The following OGA variants were observed in gnomAD, a reference collection of about 807,000 sequenced individuals.
OGA encodes the protein protein O-GlcNAcase.
A neutral mutation model predicts 102.0 loss-of-function variants in OGA; 21 were observed. The observed-to-expected ratio is 0.21, with a 90% confidence interval of 0.15 to 0.30. OGA has a LOEUF of 0.30. OGA is among the 10% of genes least tolerant of loss of function. The pLI is 1.00. For synonymous variants in OGA, 408 were observed against 378.2 expected (o/e 1.08, Z -0.91); for missense variants, 765 against 1,107.8 (o/e 0.69, Z 4.39).
chr10:101,788,645 G>C (rs1332080417), intron 14 of OGA, among the ~76,000 whole-genome samples: 1 of 151,318 alleles, frequency 6.6e-6, no homozygotes, highest in African/African-American at 2.4e-5. Context: ...TGAGGCAGGA[G>C]AATCACTTGA....
chr10:101,807,975 T>C (rs1352034883), intron 4 of OGA, 74 bp from the exon 5 acceptor site: 11 of 1,194,338 alleles, frequency 9.2e-6, no homozygotes, highest in African/African-American at 3.1e-5. Context: ...TTAACAGTTA[T>C]ACTTAAAATC....
rs887527428 is a variant in OGA, at chr10:101,817,856, C to T, written c.167G>A (p.Gly56Glu). The stretch of plus-strand genomic sequence containing the variant: ...CACACCGCAGAGGAACCGCCGAGCC[C>T]CTCCTGCAGCCCCGGCCACCGCCGC... ...GGAAVAGAAG[G>E]ARRFLCGVVE... is the part of the protein sequence containing the mutation. The change falls in exon 1 of 16, where the codon GGG becomes GAG. Residue 56 changes from glycine to glutamate, a missense_variant. This residue lies in a region of OGA where 117 missense variants were observed against 85.7 expected (regional missense o/e 1.36). Coordinates refer to ENST00000361464, the MANE Select transcript of OGA (RefSeq NM_012215.5). 6.5e-7 allele frequency: 1 copy of T among 1,544,186 alleles called. No individual in the cohort carries two copies. The highest frequency in any genetic ancestry group is 2.4e-5 in the East Asian group (1 of 41,152).
rs781506813 is a variant in OGA, at chr10:101,818,222, C to A, written c.-200G>T. The A allele has an allele frequency of 3.2e-4, 435 of 1,343,646 alleles. 1 individual carries two copies. The highest frequency in any genetic ancestry group is 3.8e-4 in the Non-Finnish European group (404 of 1,051,338). The allele number at this position is 1,343,646 out of a possible 1,614,324, so 83.2% of individuals were successfully genotyped here. On this transcript the variant is annotated 5_prime_UTR_variant, in exon 1 of 16. Coordinates refer to ENST00000361464, the MANE Select transcript of OGA (RefSeq NM_012215.5). ...AGAAGGGCGGCGGCACCGGCGCGAGCCCTTTGTCAGCCGCAGCCTCGGCTT... is the reference window on the plus strand; with the variant it reads ...AGAAGGGCGGCGGCACCGGCGCGAGACCTTTGTCAGCCGCAGCCTCGGCTT...
intron 7 of OGA, among the ~76,000 whole-genome samples, chr10:101,803,419 C>T (rs1423713540): frequency 1.5e-4 from 22 of 143,192 alleles, no homozygotes; most frequent in African/African-American, 5.8e-4. Flanking sequence ...GGATTATAAG[C>T]GAGCCACCAC....
At chr10:101,787,822 G>T in intron 14 of OGA, 1 of 251,352 alleles carries the variant, frequency 4.0e-6, no homozygotes, top group Non-Finnish European at 7.9e-6. Flanking sequence ...GAATTCCTGG[G>T]CTCGAGTGAT....
At position 101,786,341 on chromosome 10, in the gene OGA, C is replaced by A; in HGVS notation, c.*110G>T. 2.6e-6 allele frequency: 3 copies of A among 1,143,136 alleles called. No homozygotes were observed. The highest frequency in any genetic ancestry group is 2.9e-5 in the Admixed American group (1 of 34,082). 70.8% of individuals were successfully genotyped at this position (1,143,136 alleles called of 1,614,324 possible). On this transcript the variant is annotated 3_prime_UTR_variant, in exon 16 of 16. Transcript: ENST00000361464. The stretch of plus-strand genomic sequence containing the variant: ...TACATAGTCTTCTTTGTTTCGAATC[C>A]AATTGGCTGATTTGTTACCATTCTA...
At chr10:101,807,656 A>C in intron 5 of OGA, 74 bp downstream of exon 5, 1 of 1,041,942 alleles carries the variant, frequency 9.6e-7, no homozygotes, top group Non-Finnish European at 1.3e-6. Context: ...TGGAGAGAGA[A>C]TGGGGCCCAT....
rs1382232530 is a variant in OGA at position 101,807,838 on chromosome 10, C to T, written c.544G>A (p.Ala182Thr). ...LFDDIDHNMC[A>T]ADKEVFSSFA... ...GAACTGAATACCTCTTTGTCTGCTG[C>T]ACACATATTATGGTCTATATCATCA... The change falls in exon 5 of 16, where the codon GCA (alanine) becomes ACA (threonine). Residue 182 changes from alanine to threonine, a missense_variant. By Grantham distance (58) the Ala-to-Thr change is moderately conservative (BLOSUM62 0). Transcript: ENST00000361464. 4 of 1,609,812 alleles carry T rather than the reference C, an allele frequency of 2.5e-6. No homozygotes were observed. In the South Asian group the frequency reaches 4.4e-5, roughly 18 times the overall value.
chr10:101,809,297 A>G (rs1245689762), intron 4 of OGA, among the ~76,000 whole-genome samples: 2 of 152,228 alleles, frequency 1.3e-5, no homozygotes, highest in African/African-American at 4.8e-5. Context: ...TCCAGCAGTC[A>G]GCATTCTTCC....
intron 2 of OGA, 66 bp from the exon 3 acceptor site, chr10:101,813,193 C>T (rs1193816974): frequency 1.9e-6 from 2 of 1,045,402 alleles, no homozygotes; most frequent in African/African-American, 3.2e-5. Context: ...ATCTCCATTT[C>T]CCTCTTCTTG....
At position 101,813,103 on chromosome 10, in the gene OGA, T is replaced by A. The variant is rs758863170; in HGVS notation, c.276A>T (p.Thr92=). The A allele has an allele frequency of 3.7e-6, 6 of 1,612,196 alleles. No homozygotes were observed. The highest frequency in any genetic ancestry group is 5.1e-6 in the Non-Finnish European group (6 of 1,179,136). ...AGTCATCTTTTGGGGCATACAAGTA[T>A]GTATTTAATTCCCATTTCTGGAGCC... ...FRRLQKWELN[T]YLYAPKDDYK... The change falls in exon 3 of 16, where the codon ACA becomes ACT. Residue 92 remains threonine (T), a synonymous_variant. Transcript: ENST00000361464.
At chr10:101,793,002 T>C in intron 11 of OGA, 59 bp from the exon 12 acceptor site, 2 of 1,380,180 alleles carry the variant, frequency 1.4e-6, no homozygotes, top group East Asian at 2.3e-5. Flanking sequence ...TTTTTTTAAA[T>C]GGGTGTGCAC....
chr10:101,785,651 AAAG>A lies in OGA; in HGVS notation c.*797_*799del, dbSNP rs1347735783. ...CAACCCCAAACCCAAAGACAAAAGTAAAGAAAATCCACTTTTCACTGGTTTACA... is the reference window on the plus strand; with the variant it reads ...CAACCCCAAACCCAAAGACAAAAGTAAAAATCCACTTTTCACTGGTTTACA... On this transcript the variant is annotated 3_prime_UTR_variant, in exon 16 of 16. Coordinates refer to ENST00000361464, the MANE Select transcript of OGA (RefSeq NM_012215.5). The A allele has an allele frequency of 1.2e-4, 18 of 152,780 alleles. 1 individual carries two copies. The highest frequency in any genetic ancestry group is 4.3e-4 in the African/African-American group (18 of 41,596). The allele number at this position is 152,780 out of a possible 1,614,324, so 9.5% of individuals were successfully genotyped here.
chr10:101,813,506 T>C (rs766750100), intron 2 of OGA, 49 bp downstream of exon 2: 2 of 1,175,720 alleles, frequency 1.7e-6, no homozygotes, highest in Non-Finnish European at 1.2e-6. Flanking sequence ...CAAAAGAAAA[T>C]GTTAAGAGTT....
At chr10:101,790,828 A>G (rs989965292) in intron 14 of OGA, 68 bp downstream of exon 14, 34 of 1,177,936 alleles carry the variant, frequency 2.9e-5, no homozygotes, top group African/African-American at 4.9e-5. Flanking sequence ...TAAGTACTTT[A>G]ATAAAAAATA....
chr10:101,786,553 A>G lies in OGA; in HGVS notation c.2649T>C (p.Asp883=). 1 of 1,611,186 alleles carries G rather than the reference A, an allele frequency of 6.2e-7. No individual in the cohort carries two copies. Among genetic ancestry groups the G allele is most frequent in the East Asian group, 2.2e-5 (1 of 44,804 alleles). Residue 883 remains aspartate, a synonymous_variant, in exon 16 of 16, where the codon GAT becomes GAC. Transcript: ENST00000361464. The stretch of plus-strand genomic sequence containing the variant: ...TGTAAAATTCCAGAATTCTTTTATC[A>G]TCTGGTCTCACTTCACAGAAAGCTC... ...SRGAFCEVRP[D]DKRILEFYSK...
chr10:101,810,586 A>C (rs1300087483), intron 3 of OGA, among the ~76,000 whole-genome samples: 1 of 152,250 alleles, frequency 6.6e-6, no homozygotes. Context: ...TTCACTTCCA[A>C]ATAGTTTCTT....
chr10:101,794,428 G>A lies in OGA; in HGVS notation c.1985-430C>T, dbSNP rs139767963. Among the ~76,000 whole-genome samples the A allele has an allele frequency of 7.2e-5, 11 of 152,266 alleles. No individual in the cohort carries two copies. In the East Asian group the frequency reaches 1.2e-3, roughly 16 times the overall value. On this transcript the variant is annotated intron_variant, in intron 10 of 15. Transcript: ENST00000361464. ...TCTGAAGTCACATTTTACATTTTGA[G>A]GAAGGGTACAGGTAAGGGAAAAGGG...
At position 101,791,001 on chromosome 10, in the gene OGA, A is replaced by G; in HGVS notation, c.2349T>C (p.Thr783=). Residue 783 remains threonine (T), a synonymous_variant, in exon 14 of 16, where the codon ACT becomes ACC. Coordinates refer to ENST00000361464, the MANE Select transcript of OGA (RefSeq NM_012215.5). The stretch of plus-strand genomic sequence containing the variant: ...TTTTAATAAAGGGGGTCACATCTAC[A>G]GTGCCCAAGGCATAACCACATATGC... ...EDGICGYALG[T]VDVTPFIKKC... 1.2e-6 allele frequency: 2 copies of G among 1,614,022 alleles called. No homozygotes were observed. The highest frequency in any genetic ancestry group is 8.5e-7 in the Non-Finnish European group (1 of 1,179,924).
Sources: allele counts gnomAD v4.1 joint callset (sites outside exome capture counted in the v4.1 genomes callset), GRCh38; gene constraint gnomAD v4.1.1; regional missense constraint gnomAD v4.1.1; transcripts MANE v1.5; gene names NCBI Gene and HGNC (gene_info 2026-07-23, HGNC 2026-07-21).